Variants in PLEKHG6 observed in about 807,000 individuals in gnomAD.
PLEKHG6 encodes pleckstrin homology and RhoGEF domain containing G6, also known as pleckstrin homology domain-containing family G member 6.
PLEKHG6 carries 91 observed loss-of-function variants against 97.5 expected under a neutral mutation model. The ratio of observed to expected loss-of-function variants is 0.93; its 90% CI spans 0.79 to 1.11. The LOEUF is 1.11. PLEKHG6 is among the 50% of genes most tolerant of loss of function. PLEKHG6 has a pLI of 0.00. For synonymous variants in PLEKHG6, 466 were observed against 425.5 expected, an observed-to-expected ratio of 1.10 and a Z score of -1.17; for missense variants, 1,044 against 1,031.0, an observed-to-expected ratio of 1.01 and a Z score of -0.17.
At position 6,315,065 on chromosome 12, in the gene PLEKHG6, C is replaced by T. The variant is rs760392471; in HGVS notation, c.355C>T (p.Pro119Ser). ...GCACACTTTCAGCATGTTTGGGATG[C>T]CCCGGCTGCCCCCTGAGGACCGGCG... ...RLHTFSMFGM[P>S]RLPPEDRRHW... The change falls in exon 4 of 16, where the codon CCC becomes TCC. Residue 119 changes from proline to serine, a missense_variant. Coordinates refer to ENST00000684764, the MANE Select transcript of PLEKHG6 (RefSeq NM_001384598.1). This position sits in a 1 kb window ranked among gnomAD's most constrained non-coding sequence, Gnocchi z 4.5. 2 of 1,613,766 alleles carry T rather than the reference C, an allele frequency of 1.2e-6. No individual in the cohort carries two copies. The highest frequency in any genetic ancestry group is 2.2e-5 in the South Asian group (2 of 91,070).
intron 2 of PLEKHG6, 181 bp downstream of exon 2, chr12:6,312,545 A>G: frequency 8.8e-7 from 1 of 1,142,340 alleles, no homozygotes; most frequent in Non-Finnish European, 1.2e-6. Context: ...CAGGGATATC[A>G]CACCCCAGTC....
intron 2 of PLEKHG6, chr12:6,313,184 C>G (rs1452384360): frequency 6.5e-7 from 1 of 1,549,900 alleles, no homozygotes; most frequent in Non-Finnish European, 8.7e-7. Flanking sequence ...GAAGGCTGCA[C>G]ATGTGAGTGC....
intron 13 of PLEKHG6, among the ~76,000 whole-genome samples, chr12:6,322,037 G>A (rs1947723100): frequency 6.6e-6 from 1 of 152,108 alleles, no homozygotes; most frequent in African/African-American, 2.4e-5. Context: ...TTCCTAGGGA[G>A]ATTCAAAGCT....
intron 13 of PLEKHG6, among the ~76,000 whole-genome samples, chr12:6,320,712 A>G (rs1039742533): frequency 3.3e-5 from 5 of 152,200 alleles, no homozygotes; most frequent in Non-Finnish European, 5.9e-5. Flanking sequence ...TCCAGAGGGT[A>G]GGACTTAGAT....
chr12:6,315,133 C>T lies in PLEKHG6; in HGVS notation c.423C>T (p.Ile141=), dbSNP rs143574959. 4 of 1,612,140 alleles carry T rather than the reference C, an allele frequency of 2.5e-6. No homozygotes were observed. Among genetic ancestry groups the T allele is most frequent in the South Asian group, 1.1e-5 (1 of 91,066 alleles). ...AGGGTGGCGACAGTGGCCTGACCAT[C>T]GAGAAGTCCTGGAGGGAGCTGGTGC... is the stretch of plus-strand genomic sequence containing the variant. ...IGEGGDSGLT[I]EKSWRELVPG... The change falls in exon 4 of 16, where the codon ATC becomes ATT. Residue 141 remains isoleucine, a synonymous_variant. Coordinates refer to ENST00000684764, the MANE Select transcript of PLEKHG6 (RefSeq NM_001384598.1). This position sits in a 1 kb window ranked among gnomAD's most constrained non-coding sequence, Gnocchi z 4.5.
Position 6,328,386 on chromosome 12 carries a change from T to C in PLEKHG6, c.*241T>C, listed in dbSNP as rs1947950376. 6.0e-6 allele frequency: 3 copies of C among 501,706 alleles called. No individual in the cohort carries two copies. The highest frequency in any genetic ancestry group is 1.1e-5 in the Non-Finnish European group (3 of 282,236). The allele number at this position is 501,706 out of a possible 1,614,324, so 31.1% of individuals were successfully genotyped here. A position where few individuals can be genotyped will look rare whatever the true frequency, so the allele number is the denominator to read the frequency against. Reference sequence around the variant, plus strand: ...AATGACTGCCCTGGCTGGGCATGGCTGCCTGTAATCCCAGCACTTTGGGAG... The same window carrying C: ...AATGACTGCCCTGGCTGGGCATGGCCGCCTGTAATCCCAGCACTTTGGGAG... On this transcript the variant is annotated 3_prime_UTR_variant, in exon 16 of 16. Coordinates refer to ENST00000684764, the MANE Select transcript of PLEKHG6 (RefSeq NM_001384598.1).
At chr12:6,313,818 T>C (rs776895718) in intron 3 of PLEKHG6, 34 bp downstream of exon 3, 1 of 1,525,526 alleles carries the variant, frequency 6.6e-7, no homozygotes, top group Non-Finnish European at 8.8e-7. Context: ...TCCCCACACA[T>C]ACGGCCCCAA....
At chr12:6,312,779 C>T in intron 2 of PLEKHG6, 1 of 1,191,824 alleles carries the variant, frequency 8.4e-7, no homozygotes, top group Non-Finnish European at 1.0e-6. Flanking sequence ...CCCTACTCCT[C>T]CAGTGGTGGG....
At chr12:6,312,059 C>G in intron 1 of PLEKHG6, 100 bp from the exon 2 acceptor site, 3 of 527,700 alleles carry the variant, frequency 5.7e-6, no homozygotes, top group Non-Finnish European at 6.4e-6. Context: ...TCCTCCCCCA[C>G]TATACCCTCC....
chr12:6,319,742 G>A, intron 13 of PLEKHG6: 2 of 1,426,870 alleles, frequency 1.4e-6, no homozygotes, highest in South Asian at 1.3e-5. Context: ...CAGGGCACTT[G>A]CTGAGTACGG....
At position 6,327,385 on chromosome 12, in the gene PLEKHG6, C is replaced by T. The variant is rs1374571773; in HGVS notation, c.1802C>T (p.Ser601Phe). The part of the protein sequence containing the change: ...GTLIPGTPTG[S>F]RSPLSRLRQR... ...TTGATCCCAGGCACCCCCACGGGGT[C>T]CCGCTCCCCACTGAGCCGTCTACGC... Residue 601 changes from serine (S) to phenylalanine (F), a missense_variant, in exon 15 of 16, where the codon TCC (serine) becomes TTC (phenylalanine). Coordinates refer to ENST00000684764, the MANE Select transcript of PLEKHG6 (RefSeq NM_001384598.1). 2 of 1,614,150 alleles carry T rather than the reference C, an allele frequency of 1.2e-6. No homozygotes were observed. Among genetic ancestry groups the T allele is most frequent in the South Asian group, 1.1e-5 (1 of 91,084 alleles).
At chr12:6,321,153 G>A (rs995651812) in intron 13 of PLEKHG6, among the ~76,000 whole-genome samples, 2 of 152,030 alleles carry the variant, frequency 1.3e-5, no homozygotes, top group African/African-American at 4.8e-5. Context: ...CCAAGTAGCT[G>A]GGACTGCAGG....
chr12:6,313,019 A>G, intron 2 of PLEKHG6: 1 of 1,476,044 alleles, frequency 6.8e-7, no homozygotes, highest in Non-Finnish European at 9.1e-7. Context: ...GAGAAGGGAG[A>G]CTAGAAAGTA....
intron 13 of PLEKHG6, among the ~76,000 whole-genome samples, chr12:6,324,762 C>T (rs553418387): frequency 2.0e-5 from 3 of 152,308 alleles, no homozygotes; most frequent in Non-Finnish European, 2.9e-5. Context: ...TCATCCATTT[C>T]GTCTCTTGTC....
Position 6,326,590 on chromosome 12 carries a change from C to A in PLEKHG6, c.1670+17C>A. ...AGAGGGGAGGTAAGGCTCACACGGA[C>A]TACAAGGTCTCCCCGAGCAGGAGGA... On this transcript the variant is annotated intron_variant, in intron 14 of 15. Transcript: ENST00000684764. 6.9e-7 allele frequency: 1 copy of A among 1,447,286 alleles called. No homozygotes were observed. The highest frequency in any genetic ancestry group is 9.1e-7 in the Non-Finnish European group (1 of 1,097,872). The allele number at this position is 1,447,286 out of a possible 1,614,324, so 89.7% of individuals were successfully genotyped here.
rs1947587227 is a variant in PLEKHG6, at chr12:6,318,784, G to A, written c.1315G>A (p.Val439Met). 6.2e-7 allele frequency: 1 copy of A among 1,613,662 alleles called. No individual in the cohort carries two copies. The change falls in exon 12 of 16, where the codon GTG becomes ATG. Residue 439 changes from valine to methionine, a missense_variant. Physicochemically the swap from Val to Met is conservative, Grantham distance 21. Transcript: ENST00000684764. Reference sequence around the variant, plus strand: ...GTTCCTCTTCTCTGATGTGCTCCTTGTGACCAAGCCCCAGCGCAAGGCGGA... The same window carrying A: ...GTTCCTCTTCTCTGATGTGCTCCTTATGACCAAGCCCCAGCGCAAGGCGGA... Reference protein sequence around the residue: ...YLFLFSDVLLVTKPQRKADKA... With the variant: ...YLFLFSDVLLMTKPQRKADKA...
chr12:6,324,123 C>T (rs740841), intron 13 of PLEKHG6, among the ~76,000 whole-genome samples: 75,474 of 151,952 alleles, frequency 0.5, 19,069 homozygotes, highest in African/African-American at 0.57. Flanking sequence ...ATTTCCTTTT[C>T]CTTTCCCGTC....
At chr12:6,326,201 A>G (rs1947850226) in intron 13 of PLEKHG6, among the ~76,000 whole-genome samples, 1 of 152,144 alleles carries the variant, frequency 6.6e-6, no homozygotes, top group African/African-American at 2.4e-5. Context: ...GCTACTAAGG[A>G]GGCTGAGGCA....
intron 13 of PLEKHG6, 54 bp downstream of exon 13, chr12:6,319,162 A>C: frequency 8.4e-7 from 1 of 1,187,646 alleles, no homozygotes; most frequent in Non-Finnish European, 1.2e-6. Context: ...GGAGCTCAGA[A>C]ATGGGAGCAC....
Sources: allele counts gnomAD v4.1 joint callset (sites outside exome capture counted in the v4.1 genomes callset), GRCh38; gene constraint gnomAD v4.1.1; non-coding constraint Gnocchi (gnomAD v3.1); transcripts MANE v1.5; gene names NCBI Gene and HGNC (gene_info 2026-07-23, HGNC 2026-07-21).